Variants in ZC3H3 observed in about 807,000 individuals in gnomAD.
ZC3H3 encodes zinc finger CCCH-type containing 3.
In ZC3H3, 36 loss-of-function variants were observed where a neutral mutation model predicts 77.3. The observed-to-expected ratio is 0.47, with a 90% CI of 0.36 to 0.61. The LOEUF is 0.61. Among genes scored for constraint, ZC3H3 ranks in the 20% least tolerant of loss-of-function variants. The probability of loss-of-function intolerance (pLI) is 0.00; values close to 1 mark genes in which losing one functional copy is unlikely to be tolerated. For missense variants in ZC3H3, 1,331 were observed against 1,312.2 expected (o/e 1.01, Z -0.22); for synonymous variants, 626 against 555.2 (o/e 1.13, Z -1.79).
intron 5 of ZC3H3, among the ~76,000 whole-genome samples, chr8:143,470,188 G>T (rs1414733507): frequency 6.6e-6 from 1 of 152,216 alleles, no homozygotes; most frequent in African/African-American, 2.4e-5. Flanking sequence ...AGGGTCAGTG[G>T]TGCTGCTGCC....
In ZC3H3 at chr8:143,537,249, A is replaced by G. The variant is rs564468669; in HGVS notation, c.1364+754T>C. Among the ~76,000 whole-genome samples, 8 of 152,316 alleles carry G rather than the reference A, an allele frequency of 5.3e-5. No homozygotes were observed. In the South Asian group the frequency reaches 1.7e-3, roughly 32 times the overall value. ...GGGAGAGATGTGCGCCAAGCAAGTG[A>G]GTGACTCTGCCTGGCTGCCTGGCCA... On this transcript the variant is annotated intron_variant, in intron 2 of 11. Coordinates refer to ENST00000262577, the MANE Select transcript of ZC3H3 (RefSeq NM_015117.3).
chr8:143,499,215 A>G (rs1821451897), intron 4 of ZC3H3, among the ~76,000 whole-genome samples: 2 of 152,120 alleles, frequency 1.3e-5, no homozygotes, highest in African/African-American at 4.8e-5. Context: ...CCTGGCCGTC[A>G]GGGAAGCCCA....
intron 3 of ZC3H3, among the ~76,000 whole-genome samples, chr8:143,508,938 C>T (rs1322550383): frequency 6.6e-6 from 1 of 152,186 alleles, no homozygotes; most frequent in Non-Finnish European, 1.5e-5. Context: ...AAATTCTTTT[C>T]CAGAGCCCTA....
At chr8:143,456,261 A>G (rs1008477157) in intron 9 of ZC3H3, among the ~76,000 whole-genome samples, 9 of 152,190 alleles carry the variant, frequency 5.9e-5, no homozygotes, top group Non-Finnish European at 1.3e-4. Context: ...AAAAGAACTA[A>G]TAGAAAACAA....
At chr8:143,508,265 G>A (rs756862927) in intron 3 of ZC3H3, among the ~76,000 whole-genome samples, 4 of 152,218 alleles carry the variant, frequency 2.6e-5, no homozygotes, top group Non-Finnish European at 5.9e-5. Flanking sequence ...GACTCGAGGT[G>A]GCTGACTGAC....
chr8:143,460,196 C>T lies in ZC3H3; in HGVS notation c.2307+5521G>A, dbSNP rs1563839413. On this transcript the variant is annotated intron_variant, in intron 9 of 11. Transcript: ENST00000262577. This position sits in a 1 kb window ranked among gnomAD's most constrained non-coding sequence, Gnocchi z 4.0. ...CCGGGAGGCGGAAGTTGCAGTGAGC[C>T]GAGATCATGCCATTGCACTCCAGCC... 6.6e-6 allele frequency among the ~76,000 whole-genome samples: 1 copy of T among 151,310 alleles called. No individual in the cohort carries two copies. The highest frequency in any genetic ancestry group is 6.6e-5 in the Admixed American group (1 of 15,180).
chr8:143,468,422 G>A lies in ZC3H3; in HGVS notation c.2065C>T (p.Pro689Ser). The change falls in exon 7 of 12, where the codon CCC becomes TCC. Residue 689 changes from proline to serine, a missense_variant. Pro to Ser is a moderately conservative substitution (Grantham distance 74, BLOSUM62 -1). Around this residue, in one of 3 missense-constraint regions of ZC3H3, gnomAD observed 104 missense variants for 159.7 expected, o/e 0.65. Coordinates refer to ENST00000262577, the MANE Select transcript of ZC3H3 (RefSeq NM_015117.3). The part of the protein sequence containing the change: ...FGRCNRGERC[P>S]YIHDPEKVAV... ...ACCTTCTCGGGATCGTGGATGTAGG[G>A]GCAGCGCTCGCCACGGTTGCACCTG... The A allele has an allele frequency of 1.2e-6, 2 of 1,611,848 alleles. No homozygotes were observed. Among genetic ancestry groups the A allele is most frequent in the Non-Finnish European group, 1.7e-6 (2 of 1,179,542 alleles).
At position 143,509,969 on chromosome 8, in the gene ZC3H3, G is replaced by A. The variant is rs7833664; in HGVS notation, c.1562-2070C>T. Among the ~76,000 whole-genome samples, 3 of 152,242 alleles carry A rather than the reference G, an allele frequency of 2.0e-5. No individual in the cohort carries two copies. The South Asian group carries it at 6.2e-4, about 32-fold the overall frequency. ...AAGTCCTCTAGGAATTCCCAGCCCC[G>A]ACTGCACACAGGACTGGACTCTGCA... On this transcript the variant is annotated intron_variant, in intron 3 of 11. Coordinates refer to ENST00000262577, the MANE Select transcript of ZC3H3 (RefSeq NM_015117.3).
rs1822875242 is a variant in ZC3H3 at position 143,538,353 on chromosome 8, G to C, written c.1014C>G (p.Cys338Trp). 1.2e-6 allele frequency: 2 copies of C among 1,612,906 alleles called. No individual in the cohort carries two copies. Among genetic ancestry groups the C allele is most frequent in the South Asian group, 2.2e-5 (2 of 91,094 alleles). ...LSPRVAAENVCKASAGMANKV... is the reference protein window; with the variant it reads ...LSPRVAAENVWKASAGMANKV... ...TGTTTGCCATGCCAGCAGAGGCCTT[G>C]CACACATTCTCTGCAGCCACTCTGG... Residue 338 changes from cysteine (C) to tryptophan (W), a missense_variant, in exon 2 of 12, where the codon TGC (cysteine) becomes TGG (tryptophan). Physicochemically the swap from Cys to Trp is radical, Grantham distance 215. Coordinates refer to ENST00000262577, the MANE Select transcript of ZC3H3 (RefSeq NM_015117.3).
Position 143,539,295 on chromosome 8 carries a change from G to A in ZC3H3, c.72C>T (p.Leu24=). 6.2e-7 allele frequency: 1 copy of A among 1,611,678 alleles called. No individual in the cohort carries two copies. Among genetic ancestry groups the A allele is most frequent in the South Asian group, 1.1e-5 (1 of 91,002 alleles). Residue 24 remains leucine, a synonymous_variant, in exon 2 of 12, where the codon CTC becomes CTT. Transcript: ENST00000262577. ...LQGLIDDYKT[L]HGNAPAPGTP... ...TACCAGGGGCCGGGGCATTGCCGTG[G>A]AGGGTTTTGTAGTCATCAATCAGAC...
intron 4 of ZC3H3, among the ~76,000 whole-genome samples, chr8:143,486,263 G>A (rs1445006598): frequency 2.6e-5 from 4 of 152,380 alleles, no homozygotes; most frequent in South Asian, 2.1e-4. Context: ...AAACGTGGGC[G>A]CCTACGGCTG....
intron 5 of ZC3H3, among the ~76,000 whole-genome samples, chr8:143,474,769 A>G (rs1820679937): frequency 6.6e-6 from 1 of 152,182 alleles, no homozygotes; most frequent in Admixed American, 6.5e-5. Flanking sequence ...TGAAACCAAA[A>G]TATTTTTCTA....
chr8:143,536,520 C>G, intron 2 of ZC3H3, 67 bp from the exon 3 acceptor site: 1 of 1,422,732 alleles, frequency 7.0e-7, no homozygotes, highest in Admixed American at 2.7e-5. Flanking sequence ...CCCTTCCTCA[C>G]CAGGACCCGA....
chr8:143,461,138 A>G (rs578056511), intron 9 of ZC3H3, among the ~76,000 whole-genome samples: 55 of 152,372 alleles, frequency 3.6e-4, no homozygotes, highest in Non-Finnish European at 3.7e-4. Flanking sequence ...GTAACACAGT[A>G]TATACCAAAA....
intron 8 of ZC3H3, among the ~76,000 whole-genome samples, chr8:143,466,107 G>A (rs1410190267): frequency 2.6e-5 from 4 of 152,226 alleles, no homozygotes; most frequent in African/African-American, 9.6e-5. Context: ...CTGTGGCTCA[G>A]CCTCAGGGGC....
chr8:143,461,975 C>CTT (rs76981079), intron 9 of ZC3H3, among the ~76,000 whole-genome samples: 3 of 140,730 alleles, frequency 2.1e-5, no homozygotes, highest in East Asian at 4.1e-4. Flanking sequence ...AGTTAAGCTG[C>CTT]TTTTTTTTTT....
intron 3 of ZC3H3, among the ~76,000 whole-genome samples, chr8:143,528,444 T>TTCCA: frequency 6.6e-6 from 1 of 152,238 alleles, no homozygotes; most frequent in African/African-American, 2.4e-5. Context: ...ATGCCTCACA[T>TTCCA]TCCATCCACG....
chr8:143,494,616 C>T lies in ZC3H3; in HGVS notation c.1715+13130G>A, dbSNP rs1045652098. 2.0e-5 allele frequency among the ~76,000 whole-genome samples: 3 copies of T among 151,986 alleles called. No homozygotes were observed. The highest frequency in any genetic ancestry group is 4.4e-5 in the Non-Finnish European group (3 of 67,996). On this transcript the variant is annotated intron_variant, in intron 4 of 11. Transcript: ENST00000262577. This position sits in a 1 kb window ranked among gnomAD's most constrained non-coding sequence, Gnocchi z 5.3. ...AGGGCCGGCCGGGACAGGAGGGAAG[C>T]GGCAGGTCGGGGGAGGGGGGTGCTG... is the stretch of plus-strand genomic sequence containing the variant.
At chr8:143,506,223 C>T (rs1006596858) in intron 4 of ZC3H3, among the ~76,000 whole-genome samples, 9 of 152,226 alleles carry the variant, frequency 5.9e-5, no homozygotes, top group African/African-American at 2.2e-4. Flanking sequence ...CTGCTGGGTC[C>T]GCCCTGAGGA....
Sources: allele counts gnomAD v4.1 joint callset (sites outside exome capture counted in the v4.1 genomes callset), GRCh38; gene constraint gnomAD v4.1.1; regional missense constraint gnomAD v4.1.1; non-coding constraint Gnocchi (gnomAD v3.1); transcripts MANE v1.5; gene names NCBI Gene and HGNC (gene_info 2026-07-23, HGNC 2026-07-21).